Variants in ZNF141 observed in about 807,000 individuals in gnomAD.
The protein encoded by ZNF141 is zinc finger protein 141 (clone pHZ-44).
Under a neutral mutation model 11.3 loss-of-function variants are expected in ZNF141, and 7 were observed. The ratio of observed to expected loss-of-function variants is 0.62; its 90% CI spans 0.35 to 1.16. The LOEUF (loss-of-function observed/expected upper bound fraction) is 1.16, where lower values mean the gene tolerates loss of function less well. Ranked by LOEUF, ZNF141 falls within the 50% of genes most tolerant of loss-of-function variation. ZNF141 has a pLI of 0.02. For missense variants in ZNF141, 535 were observed against 554.0 expected (o/e 0.97, Z 0.34); for synonymous variants, 183 against 190.7 (o/e 0.96, Z 0.33).
Position 373,757 on chromosome 4 carries a change from A to G in ZNF141, c.1320A>G (p.Gln440=). The part of the protein sequence containing the change: ...KAFKQFSLLS[Q]HKKIHTVDKP... ...TTAAACAATTTTCGCTCCTGAGTCA[A>G]CATAAGAAAATTCATACTGTAGATA... Residue 440 remains glutamine, a synonymous_variant, in exon 4 of 4, where the codon CAA becomes CAG. Coordinates refer to ENST00000240499, the MANE Select transcript of ZNF141 (RefSeq NM_003441.4). 1 of 1,614,186 alleles carries G rather than the reference A, an allele frequency of 6.2e-7. No homozygotes were observed.
At chr4:363,609 C>G (rs1711586212) in intron 3 of ZNF141, among the ~76,000 whole-genome samples, 1 of 152,046 alleles carries the variant, frequency 6.6e-6, no homozygotes, top group Admixed American at 6.6e-5. Flanking sequence ...ATGGAAACAA[C>G]TAGCCGGGTG....
At chr4:338,848 C>G (rs1324724407) in intron 1 of ZNF141, among the ~76,000 whole-genome samples, 1 of 152,210 alleles carries the variant, frequency 6.6e-6, no homozygotes, top group Non-Finnish European at 1.5e-5. Context: ...GCAAACTCCT[C>G]ACGTTTCCTG....
chr4:363,553 G>A (rs1711584039), intron 3 of ZNF141, among the ~76,000 whole-genome samples: 1 of 152,092 alleles, frequency 6.6e-6, no homozygotes, highest in Non-Finnish European at 1.5e-5. Context: ...TCAGGAGATG[G>A]AGACCATCCT....
rs1553855143 is a variant in ZNF141 at position 379,421 on chromosome 4, C to T, written c.*5559C>T. On this transcript the variant is annotated 3_prime_UTR_variant, in exon 4 of 4. Coordinates refer to ENST00000240499, the MANE Select transcript of ZNF141 (RefSeq NM_003441.4). ...GACGGAGTCTCGCTCTGTCGCCAGG[C>T]TGGAGTACAGTGGTGCGATCTCAGC... Among the ~76,000 whole-genome samples the T allele has an allele frequency of 2.0e-5, 3 of 152,206 alleles. No homozygotes were observed.
At chr4:340,812 A>G (rs1334995782) in intron 1 of ZNF141, among the ~76,000 whole-genome samples, 2 of 152,232 alleles carry the variant, frequency 1.3e-5, no homozygotes, top group Non-Finnish European at 2.9e-5. Flanking sequence ...CCCACACCTT[A>G]TAGCTTAACA....
chr4:343,369 C>T (rs782619834), intron 1 of ZNF141, among the ~76,000 whole-genome samples: 1 of 152,112 alleles, frequency 6.6e-6, no homozygotes, highest in Non-Finnish European at 1.5e-5. Flanking sequence ...ATCAGATAAT[C>T]CCAGTCAGTC....
rs142057673 is a variant in ZNF141, at chr4:379,952, C to G, written c.*6090C>G. 2.0e-5 allele frequency among the ~76,000 whole-genome samples: 3 copies of G among 152,168 alleles called. No homozygotes were observed. Among genetic ancestry groups the G allele is most frequent in the African/African-American group, 7.2e-5 (3 of 41,434 alleles). ...ACTGTGTTAGCATTTTCCAAAAATA[C>G]ATTATTGTTAACTGTAGTCACCATG... On this transcript the variant is annotated 3_prime_UTR_variant, in exon 4 of 4. Coordinates refer to ENST00000240499, the MANE Select transcript of ZNF141 (RefSeq NM_003441.4).
intron 3 of ZNF141, among the ~76,000 whole-genome samples, chr4:368,832 A>G (rs1232321315): frequency 6.6e-6 from 1 of 152,088 alleles, no homozygotes; most frequent in African/African-American, 2.4e-5. Flanking sequence ...ACTCTTTTTG[A>G]AGATTGTTGA....
chr4:374,436 T>C lies in ZNF141; in HGVS notation c.*574T>C. The C allele has an allele frequency of 2.9e-6, 1 of 347,854 alleles. No homozygotes were observed. Among genetic ancestry groups the C allele is most frequent in the Non-Finnish European group, 5.9e-6 (1 of 170,134 alleles). 21.5% of individuals were successfully genotyped at this position (347,854 alleles called of 1,614,324 possible). On this transcript the variant is annotated 3_prime_UTR_variant, in exon 4 of 4. Coordinates refer to ENST00000240499, the MANE Select transcript of ZNF141 (RefSeq NM_003441.4). ...AAACTTTGTTAAACATAAGAGAATTTATACCAGAGAGAAACCCTACACATG... is the reference window on the plus strand; with the variant it reads ...AAACTTTGTTAAACATAAGAGAATTCATACCAGAGAGAAACCCTACACATG...
chr4:348,662 C>G (rs1553849994), intron 3 of ZNF141, among the ~76,000 whole-genome samples: 1 of 151,550 alleles, frequency 6.6e-6, no homozygotes. Flanking sequence ...TTTCAGTGAG[C>G]CTAGATCACT....
In ZNF141 at chr4:383,283, C is replaced by T; in HGVS notation, c.*9421C>T. Reference sequence around the variant, plus strand: ...AGAAGAATGGCCCGGCTGAGCCCAGCCTAAATTTCTAACCAGCTCAATCCT... The same window carrying T: ...AGAAGAATGGCCCGGCTGAGCCCAGTCTAAATTTCTAACCAGCTCAATCCT... On this transcript the variant is annotated 3_prime_UTR_variant, in exon 4 of 4. Coordinates refer to ENST00000240499, the MANE Select transcript of ZNF141 (RefSeq NM_003441.4). 8.0e-6 allele frequency: 5 copies of T among 623,360 alleles called. No homozygotes were observed. Among genetic ancestry groups the T allele is most frequent in the Non-Finnish European group, 1.4e-5 (5 of 351,778 alleles). 38.6% of individuals were successfully genotyped at this position (623,360 alleles called of 1,614,324 possible). A position where few individuals can be genotyped will look rare whatever the true frequency, so the allele number is the denominator to read the frequency against.
chr4:382,928 T>G lies in ZNF141; in HGVS notation c.*9066T>G. The G allele has an allele frequency of 2.1e-6, 1 of 479,170 alleles. No individual in the cohort carries two copies. The highest frequency in any genetic ancestry group is 3.7e-5 in the South Asian group (1 of 27,068). 29.7% of individuals were successfully genotyped at this position (479,170 alleles called of 1,614,324 possible). On this transcript the variant is annotated 3_prime_UTR_variant, in exon 4 of 4. Coordinates refer to ENST00000240499, the MANE Select transcript of ZNF141 (RefSeq NM_003441.4). ...TTGCAAAAACAGCAATTTGAAAAATTTCTTATTGTATTCATGTCCTTGGAA... is the reference window on the plus strand; with the variant it reads ...TTGCAAAAACAGCAATTTGAAAAATGTCTTATTGTATTCATGTCCTTGGAA...
intron 3 of ZNF141, among the ~76,000 whole-genome samples, chr4:369,773 T>A (rs1348998839): frequency 1.1e-4 from 13 of 115,572 alleles, no homozygotes; most frequent in South Asian, 2.9e-4. Context: ...TATTTTTTTT[T>A]TTTTTTTTTT....
At chr4:342,497 C>A (rs1378096703) in intron 1 of ZNF141, among the ~76,000 whole-genome samples, 2 of 152,146 alleles carry the variant, frequency 1.3e-5, no homozygotes, top group African/African-American at 2.4e-5. Context: ...GAGGGAGGAG[C>A]GTCAGCATTA....
At chr4:340,258 T>TGTGCAGCAAAGTGCACGAA (rs782797268) in intron 1 of ZNF141, among the ~76,000 whole-genome samples, 2 of 152,270 alleles carry the variant, frequency 1.3e-5, no homozygotes, top group Non-Finnish European at 1.5e-5. Flanking sequence ...AACCCACAGT[T>TGTGCAGCAAAGTGCACGAA]GTGCAGCAAA....
In ZNF141 at chr4:377,001, GAA is replaced by G. The variant is rs782767305; in HGVS notation, c.*3140_*3141del. ...TATGTGAGCTGGTCAGAAATTATAA[GAA>G]TGATTTTTATAAAATGTAGTGAATG... On this transcript the variant is annotated 3_prime_UTR_variant, in exon 4 of 4. Transcript: ENST00000240499. 7.2e-5 allele frequency among the ~76,000 whole-genome samples: 11 copies of G among 152,220 alleles called. No homozygotes were observed. The highest frequency in any genetic ancestry group is 1.6e-4 in the Non-Finnish European group (11 of 68,004).
chr4:342,876 G>C, intron 1 of ZNF141: 2 of 1,607,960 alleles, frequency 1.2e-6, no homozygotes, highest in South Asian at 1.1e-5. Flanking sequence ...TGACCTGAAG[G>C]TTGAACAGAC....
chr4:374,110 C>A lies in ZNF141; in HGVS notation c.*248C>A. On this transcript the variant is annotated 3_prime_UTR_variant, in exon 4 of 4. Coordinates refer to ENST00000240499, the MANE Select transcript of ZNF141 (RefSeq NM_003441.4). ...CTGAATGAGCAGAAGAAAATTATTA[C>A]TGGAGATAAACCCTGCAAATGTAAA... is the stretch of plus-strand genomic sequence containing the variant. 1.9e-6 allele frequency: 1 copy of A among 523,182 alleles called. No individual in the cohort carries two copies. The highest frequency in any genetic ancestry group is 3.4e-6 in the Non-Finnish European group (1 of 293,654). The allele number at this position is 523,182 out of a possible 1,614,324, so 32.4% of individuals were successfully genotyped here.
chr4:368,346 A>T (rs750526259), intron 3 of ZNF141, among the ~76,000 whole-genome samples: 2 of 152,092 alleles, frequency 1.3e-5, no homozygotes, highest in Non-Finnish European at 2.9e-5. Flanking sequence ...GGTTCAAGCA[A>T]TTCTTGTGCC....
Sources: gnomAD v4.1 joint callset for allele counts (sites outside exome capture counted in the v4.1 genomes callset) on GRCh38, gnomAD v4.1.1 for gene constraint, MANE v1.5 for transcripts, NCBI Gene and HGNC (gene_info 2026-07-23, HGNC 2026-07-21) for gene names.